Variants in PCNX2 observed in about 807,000 individuals in gnomAD.
PCNX2 encodes the protein pecanex-like protein 2.
In PCNX2, 168 loss-of-function variants were observed where a neutral mutation model predicts 223.8. The ratio of observed to expected loss-of-function variants is 0.75; its 90% CI spans 0.66 to 0.85. The LOEUF (loss-of-function observed/expected upper bound fraction) is 0.85, where lower values mean the gene tolerates loss of function less well. PCNX2 is among the 40% of genes least tolerant of loss of function. PCNX2 has a pLI of 0.00. For missense variants in PCNX2, 2,507 were observed against 2,675.5 expected (o/e 0.94, Z 1.39); for synonymous variants, 1,006 against 1,052.6 (o/e 0.96, Z 0.86).
intron 5 of PCNX2, among the ~76,000 whole-genome samples, chr1:233,257,322 G>A (rs1239922169): frequency 6.6e-6 from 1 of 152,050 alleles, no homozygotes; most frequent in Admixed American, 6.6e-5. Flanking sequence ...AAGGATGATG[G>A]TATATCCATA....
At chr1:233,189,551 T>C (rs1180849630) in intron 15 of PCNX2, among the ~76,000 whole-genome samples, 1 of 152,168 alleles carries the variant, frequency 6.6e-6, no homozygotes, top group Non-Finnish European at 1.5e-5. Flanking sequence ...GCATCTCAGG[T>C]CCACTTCAGC....
the PCNX2 span, among the ~76,000 whole-genome samples, chr1:233,327,311 C>T: frequency 2.0e-5 from 3 of 151,716 alleles, no homozygotes; most frequent in Admixed American, 2.0e-4. Context: ...GCGCGGCTCA[C>T]CATTGCTCCG....
chr1:233,182,014 G>T (rs1679831150), intron 15 of PCNX2, among the ~76,000 whole-genome samples: 1 of 152,178 alleles, frequency 6.6e-6, no homozygotes, highest in African/African-American at 2.4e-5. Context: ...GGTCATCAGT[G>T]AATGACTCAG....
At chr1:233,279,389 TTGTGTGTG>T (rs57288356) in intron 1 of PCNX2, among the ~76,000 whole-genome samples, 37 of 142,676 alleles carry the variant, frequency 2.6e-4, no homozygotes, top group South Asian at 6.8e-4. Context: ...TAATTTGTGT[TTGTGTGTG>T]TGTGTGTGTG....
chr1:233,017,235 G>T, intron 26 of PCNX2, 81 bp from the exon 27 acceptor site: 1 of 1,046,740 alleles, frequency 9.6e-7, no homozygotes, highest in Non-Finnish European at 1.4e-6. Context: ...TAAGAGGCAT[G>T]AAATCCCTAC....
chr1:233,199,235 A>G (rs1458380430), intron 14 of PCNX2, among the ~76,000 whole-genome samples: 1 of 152,228 alleles, frequency 6.6e-6, no homozygotes, highest in Admixed American at 6.5e-5. Context: ...TCAAGAGGAA[A>G]GTACTCAGAA....
chr1:233,083,172 G>T (rs1673439556), intron 23 of PCNX2, among the ~76,000 whole-genome samples: 1 of 152,194 alleles, frequency 6.6e-6, no homozygotes, highest in Non-Finnish European at 1.5e-5. Context: ...GACCTCTGGA[G>T]CAAGGTGAAG....
intron 25 of PCNX2, chr1:233,032,030 G>A: frequency 2.0e-6 from 2 of 983,390 alleles, no homozygotes; most frequent in South Asian, 4.7e-5. Flanking sequence ...CTGGCTTGCT[G>A]TACATTAATA....
rs895751425 is a variant in PCNX2 at position 233,031,680 on chromosome 1, G to C, written c.4352-6281C>G. On this transcript the variant is annotated intron_variant, in intron 25 of 33. Coordinates refer to ENST00000258229, the MANE Select transcript of PCNX2 (RefSeq NM_014801.4). ...GTCAGGAAGGGGAAAAGCCCAGCCG[G>C]CTGCATTCATAAAAAGGGAGACAGT... is the stretch of plus-strand genomic sequence containing the variant. 9 of 925,094 alleles carry C rather than the reference G, an allele frequency of 9.7e-6. No homozygotes were observed. In the Admixed American group the frequency reaches 4.3e-4, roughly 44 times the overall value. 57.3% of individuals were successfully genotyped at this position (925,094 alleles called of 1,614,324 possible).
At chr1:233,054,804 G>A (rs1292799251) in intron 24 of PCNX2, 1 of 163,912 alleles carries the variant, frequency 6.1e-6, no homozygotes, top group African/African-American at 2.4e-5. Flanking sequence ...TAACATATAA[G>A]TTATTATACT....
chr1:233,275,557 G>A lies in PCNX2; in HGVS notation c.154-12394C>T, dbSNP rs564722189. On this transcript the variant is annotated intron_variant, in intron 1 of 33. Transcript: ENST00000258229. The stretch of plus-strand genomic sequence containing the variant: ...ACTGAAAGGAAGTAACACATGTTAA[G>A]TTGATATATTGTTATTTTAAAAAGT... Among the ~76,000 whole-genome samples, 18 of 152,320 alleles carry A rather than the reference G, an allele frequency of 1.2e-4. No individual in the cohort carries two copies. The South Asian group carries it at 3.7e-3, about 32-fold the overall frequency.
chr1:233,254,548 TTC>T (rs1381609184), intron 5 of PCNX2, among the ~76,000 whole-genome samples: 2 of 152,210 alleles, frequency 1.3e-5, no homozygotes, highest in African/African-American at 4.8e-5. Context: ...ATAGAAATGT[TTC>T]TGTTTATAAA....
chr1:233,258,580 T>C lies in PCNX2; in HGVS notation c.1282A>G (p.Ile428Val). The stretch of plus-strand genomic sequence containing the variant: ...GGCAGGTCCAGGGTGATTACAGGAA[T>C]TGAGATCTGCTCGGCATTTGGAGAA... ...AGSPNAEQIS[I>V]PVITLDLPEG... The change falls in exon 5 of 34, where the codon ATT (isoleucine) becomes GTT (valine). Residue 428 changes from isoleucine to valine, a missense_variant. Physicochemically the swap from Ile to Val is conservative, Grantham distance 29. This residue lies in a region of PCNX2 where 1,031 missense variants were observed against 1,021.7 expected (regional missense o/e 1.01). Coordinates refer to ENST00000258229, the MANE Select transcript of PCNX2 (RefSeq NM_014801.4). The C allele has an allele frequency of 6.2e-7, 1 of 1,613,886 alleles. No homozygotes were observed. The highest frequency in any genetic ancestry group is 8.5e-7 in the Non-Finnish European group (1 of 1,179,862).
At chr1:233,241,187 T>C in intron 8 of PCNX2, 1 of 985,408 alleles carries the variant, frequency 1.0e-6, no homozygotes, top group South Asian at 4.7e-5. Context: ...TATGTGACAG[T>C]AAAATTTGTG....
chr1:233,058,606 T>C (rs1398590490), intron 23 of PCNX2: 4 of 152,122 alleles, frequency 2.6e-5, no homozygotes, highest in Admixed American at 6.5e-5. Flanking sequence ...CCACTGACAA[T>C]TGTAGAAAGC....
chr1:233,311,572 T>C, the PCNX2 span, among the ~76,000 whole-genome samples: 7 of 152,198 alleles, frequency 4.6e-5, no homozygotes, highest in Admixed American at 3.9e-4. Flanking sequence ...TACACACAAA[T>C]ATCCGCTTCT....
chr1:233,323,404 A>G, the PCNX2 span, among the ~76,000 whole-genome samples: 5 of 152,232 alleles, frequency 3.3e-5, no homozygotes, highest in Non-Finnish European at 7.3e-5. Flanking sequence ...TCCTGTATAC[A>G]GGCATGCTTC....
chr1:233,215,052 TA>T (rs1682042079), intron 12 of PCNX2, among the ~76,000 whole-genome samples: 1 of 152,118 alleles, frequency 6.6e-6, no homozygotes, highest in African/African-American at 2.4e-5. Context: ...ATGTGCAAAA[TA>T]GTGCCGTCTG....
chr1:233,075,588 G>A (rs1289547730), intron 23 of PCNX2, among the ~76,000 whole-genome samples: 1 of 151,896 alleles, frequency 6.6e-6, no homozygotes, highest in Non-Finnish European at 1.5e-5. Context: ...CAATATCTAG[G>A]TTGTGATAGT....
Sources: gnomAD v4.1 joint callset for allele counts (sites outside exome capture counted in the v4.1 genomes callset) on GRCh38, gnomAD v4.1.1 for gene constraint, gnomAD v4.1.1 regional missense constraint, MANE v1.5 for transcripts, NCBI Gene and HGNC (gene_info 2026-07-23, HGNC 2026-07-21) for gene names.